The following ANKFN1 variants were observed in gnomAD, a reference collection of about 807,000 sequenced individuals.
ANKFN1 encodes ankyrin repeat and fibronectin type III domain containing 1, also known as ankyrin repeat and fibronectin type-III domain-containing protein 1.
Under a neutral mutation model 108.7 loss-of-function variants are expected in ANKFN1, and 74 were observed. The ratio of observed to expected loss-of-function variants is 0.68; its 90% CI spans 0.56 to 0.83. ANKFN1 has a LOEUF of 0.83. Among genes scored for constraint, ANKFN1 ranks in the 40% least tolerant of loss-of-function variants. The pLI, the probability that ANKFN1 is intolerant of heterozygous loss-of-function variation, is 0.00. For synonymous variants in ANKFN1, 547 were observed against 516.2 expected (o/e 1.06, Z -0.81); for missense variants, 1,505 against 1,382.3 (o/e 1.09, Z -1.41).
chr17:56,374,705 A>G lies in ANKFN1; in HGVS notation c.901A>G (p.Arg301Gly), dbSNP rs777480201. The change falls in exon 8 of 21, where the codon AGG becomes GGG. Residue 301 changes from arginine (R) to glycine (G), a missense_variant. Coordinates refer to ENST00000682825, the MANE Select transcript of ANKFN1 (RefSeq NM_001370326.1). The part of the protein sequence containing the change: ...PLSVNAAVVT[R>G]YKVEWSMSED... ...TAGCGTCAATGCAGCTGTAGTAACC[A>G]GGTATAAAGGTACTGGACCCAAGAC... 4 of 1,611,354 alleles carry G rather than the reference A, an allele frequency of 2.5e-6. No individual in the cohort carries two copies. The highest frequency in any genetic ancestry group is 3.4e-6 in the Non-Finnish European group (4 of 1,177,992).
intron 11 of ANKFN1, among the ~76,000 whole-genome samples, chr17:56,454,337 A>T (rs2049607196): frequency 6.6e-6 from 1 of 152,138 alleles, no homozygotes; most frequent in Non-Finnish European, 1.5e-5. Context: ...TCTCTTTATA[A>T]GGGATGCAAG....
At chr17:56,463,437 G>C (rs2049977223) in intron 14 of ANKFN1, among the ~76,000 whole-genome samples, 1 of 151,956 alleles carries the variant, frequency 6.6e-6, no homozygotes, top group South Asian at 2.1e-4. Context: ...TCATATTATA[G>C]TAAAAAAGAA....
At chr17:56,073,016 G>A (rs1905138397) in intron 4 of ANKFN1, among the ~76,000 whole-genome samples, 2 of 150,946 alleles carry the variant, frequency 1.3e-5, no homozygotes, top group African/African-American at 2.4e-5. Context: ...TTTTTGAGAC[G>A]GAGTCTCGCT....
chr17:56,283,009 A>G (rs2044124519), intron 3 of ANKFN1, among the ~76,000 whole-genome samples: 2 of 152,270 alleles, frequency 1.3e-5, no homozygotes, highest in African/African-American at 4.8e-5. Flanking sequence ...GTACATGTGC[A>G]GGTTTGCTAC....
intron 15 of ANKFN1, among the ~76,000 whole-genome samples, chr17:56,476,859 A>C (rs1049342941): frequency 2.6e-5 from 4 of 152,216 alleles, no homozygotes; most frequent in Non-Finnish European, 5.9e-5. Flanking sequence ...AAATCAAGCC[A>C]AAAAATAACC....
intron 1 of ANKFN1, among the ~76,000 whole-genome samples, chr17:56,177,266 G>A (rs756697599): frequency 1.4e-4 from 22 of 152,324 alleles, no homozygotes; most frequent in Middle Eastern, 3.4e-3. Context: ...CAAGCTTCAC[G>A]GGGTCCATGT....
chr17:56,257,636 G>A (rs77402795), intron 3 of ANKFN1, among the ~76,000 whole-genome samples: 16 of 152,294 alleles, frequency 1.1e-4, no homozygotes, highest in Non-Finnish European at 2.2e-4. Flanking sequence ...ATGAGGACAC[G>A]GGGCCTGTTC....
chr17:56,144,281 A>T (rs1445413639), intron 4 of ANKFN1, among the ~76,000 whole-genome samples: 2 of 152,118 alleles, frequency 1.3e-5, no homozygotes, highest in African/African-American at 4.8e-5. Flanking sequence ...TGGTGAAATC[A>T]TGAAGGGCTC....
intron 1 of ANKFN1, among the ~76,000 whole-genome samples, chr17:56,198,391 T>A (rs1013593782): frequency 1.3e-5 from 2 of 152,196 alleles, no homozygotes; most frequent in African/African-American, 4.8e-5. Flanking sequence ...GAGAATCTAA[T>A]GCCGCTGCTG....
chr17:56,129,638 A>T (rs147554412), intron 4 of ANKFN1, among the ~76,000 whole-genome samples: 1 of 152,224 alleles, frequency 6.6e-6, no homozygotes, highest in Non-Finnish European at 1.5e-5. Flanking sequence ...GGGTGATTTT[A>T]AAGTAAATAA....
At chr17:56,248,141 A>G (rs143251507) in intron 3 of ANKFN1, among the ~76,000 whole-genome samples, 44 of 152,266 alleles carry the variant, frequency 2.9e-4, no homozygotes, top group Non-Finnish European at 5.7e-4. Context: ...CTTCACCATA[A>G]TCTTTTAGGT....
chr17:56,348,143 T>C (rs1296072823), intron 4 of ANKFN1, among the ~76,000 whole-genome samples: 1 of 152,072 alleles, frequency 6.6e-6, no homozygotes, highest in Admixed American at 6.6e-5. Context: ...AACCTCCTAT[T>C]TGCTATTGAA....
At chr17:56,210,081 G>GATAGATAC (rs1914866272) in intron 1 of ANKFN1, among the ~76,000 whole-genome samples, 1 of 152,000 alleles carries the variant, frequency 6.6e-6, no homozygotes, top group African/African-American at 2.4e-5. Context: ...TAGATAGATA[G>GATAGATAC]ATAGATAGAT....
intron 1 of ANKFN1, among the ~76,000 whole-genome samples, chr17:56,189,170 CTT>C (rs532063852): frequency 3.5e-5 from 3 of 85,290 alleles, no homozygotes; most frequent in Non-Finnish European, 1.9e-5. Flanking sequence ...GTTGCCCTGA[CTT>C]TTTTTTTTTT....
chr17:56,347,319 G>A (rs2144651768), intron 4 of ANKFN1, among the ~76,000 whole-genome samples: 1 of 152,086 alleles, frequency 6.6e-6, no homozygotes, highest in African/African-American at 2.4e-5. Flanking sequence ...ACTATTTATT[G>A]AGTGGATACT....
At chr17:56,251,237 C>T (rs574120133) in intron 3 of ANKFN1, among the ~76,000 whole-genome samples, 1 of 152,066 alleles carries the variant, frequency 6.6e-6, no homozygotes. Context: ...ACTAAAAATA[C>T]AAAACATTAG....
At chr17:56,058,419 G>A (rs1052790904) in intron 4 of ANKFN1, among the ~76,000 whole-genome samples, 1 of 152,208 alleles carries the variant, frequency 6.6e-6, no homozygotes, top group Non-Finnish European at 1.5e-5. Context: ...TACAAAGGCA[G>A]CTTCTTTCCT....
intron 4 of ANKFN1, among the ~76,000 whole-genome samples, chr17:56,139,576 A>C (rs1907794971): frequency 6.6e-6 from 1 of 152,182 alleles, no homozygotes. Context: ...TGTTGCCGAC[A>C]GACAGAGGAA....
At chr17:56,138,461 T>C (rs773768305) in intron 4 of ANKFN1, among the ~76,000 whole-genome samples, 5 of 152,224 alleles carry the variant, frequency 3.3e-5, no homozygotes, top group Non-Finnish European at 7.4e-5. Flanking sequence ...ACTGAACTGC[T>C]TTCCCAAATA....
Sources: gnomAD v4.1 joint callset for allele counts (sites outside exome capture counted in the v4.1 genomes callset) on GRCh38, gnomAD v4.1.1 for gene constraint, MANE v1.5 for transcripts, NCBI Gene and HGNC (gene_info 2026-07-23, HGNC 2026-07-21) for gene names.